The following DIPK1B variants were observed in gnomAD, a reference collection of about 807,000 sequenced individuals.
The protein encoded by DIPK1B is divergent protein kinase domain 1B, also known as family with sequence similarity 69 member B.
DIPK1B carries 17 observed loss-of-function variants against 20.7 expected under a neutral mutation model. The observed-to-expected ratio is 0.82, with a 90% CI of 0.56 to 1.23. The LOEUF (loss-of-function observed/expected upper bound fraction) is 1.23, where lower values mean the gene tolerates loss of function less well. DIPK1B is among the 50% of genes most tolerant of loss of function. The pLI, the probability that DIPK1B is intolerant of heterozygous loss-of-function variation, is 0.00. For synonymous variants in DIPK1B, 343 were observed against 276.5 expected (o/e 1.24, Z -2.39); for missense variants, 648 against 601.8 (o/e 1.08, Z -0.80).
rs376646865 is a variant in DIPK1B at position 136,723,474 on chromosome 9, C to T, written c.996C>T (p.Arg332=). Residue 332 remains arginine (R), a synonymous_variant, in exon 5 of 5, where the codon CGC becomes CGT. Transcript: ENST00000371692. Reference sequence around the variant, plus strand: ...CCGTGCGCCGCTTCCTGCAGGGCCGCCGCTGCGAGCACAGCACCGACTGCA... The same window carrying T: ...CCGTGCGCCGCTTCCTGCAGGGCCGTCGCTGCGAGCACAGCACCGACTGCA... ...EATVRRFLQG[R]RCEHSTDCTY... 168 of 1,610,376 alleles carry T rather than the reference C, an allele frequency of 1.0e-4. No individual in the cohort carries two copies. The highest frequency in any genetic ancestry group is 1.4e-4 in the Non-Finnish European group (163 of 1,178,664).
Position 136,723,591 on chromosome 9 carries a change from A to G in DIPK1B, c.1113A>G (p.Ala371=), listed in dbSNP as rs749078758. The G allele has an allele frequency of 6.3e-5, 100 of 1,594,330 alleles. No homozygotes were observed. In the Admixed American group the frequency reaches 1.4e-3, roughly 22 times the overall value. The change falls in exon 5 of 5, where the codon GCA becomes GCG. Residue 371 remains alanine (A), a synonymous_variant. Transcript: ENST00000371692. ...AGCCCAACCTGGCCAAGGTGTGCGC[A>G]CTGCTACGGGGCTACCTGCTGCCTG... The part of the protein sequence containing the change: ...LIQPNLAKVC[A]LLRGYLLPGA...
At chr9:136,719,646 C>G (rs1378535424) in intron 2 of DIPK1B, among the ~76,000 whole-genome samples, 2 of 152,244 alleles carry the variant, frequency 1.3e-5, no homozygotes, top group Non-Finnish European at 2.9e-5. Flanking sequence ...ACACGCCCGC[C>G]TCAGCCTCTG....
At chr9:136,716,003 G>C (rs1846491307) in intron 1 of DIPK1B, among the ~76,000 whole-genome samples, 1 of 152,070 alleles carries the variant, frequency 6.6e-6, no homozygotes, top group Non-Finnish European at 1.5e-5. Context: ...TCTCCTTCCT[G>C]TCTCTATGGT....
intron 2 of DIPK1B, among the ~76,000 whole-genome samples, chr9:136,720,477 C>CG (rs972090350): frequency 3.4e-5 from 5 of 149,116 alleles, no homozygotes; most frequent in Non-Finnish European, 4.4e-5. Context: ...TTCTCCCCCC[C>CG]CCAGAGGGGC....
rs1298297117 is a variant in DIPK1B, at chr9:136,724,635, G to GA, written c.*864dup. On this transcript the variant is annotated 3_prime_UTR_variant, in exon 5 of 5. Transcript: ENST00000371692. ...TTTACTCTCAAATTTTGCCAACACA[G>GA]AAATATTATCCTTAAAGAAATGTGC... The GA allele has an allele frequency of 3.9e-5, 6 of 152,320 alleles. No individual in the cohort carries two copies. The South Asian group carries it at 1.2e-3, about 32-fold the overall frequency. The allele number at this position is 152,320 out of a possible 1,614,324, so 9.4% of individuals were successfully genotyped here.
chr9:136,722,823 G>T, intron 4 of DIPK1B, 139 bp from the exon 5 acceptor site: 1 of 825,500 alleles, frequency 1.2e-6, no homozygotes, highest in East Asian at 2.7e-5. Context: ...CCGTGTAGCT[G>T]TGGGCTGGGA....
intron 4 of DIPK1B, chr9:136,722,587 G>A: frequency 1.8e-6 from 1 of 565,800 alleles, no homozygotes; most frequent in East Asian, 3.0e-5. Context: ...CCCGAATGGA[G>A]ACCAGGGCTT....
chr9:136,722,346 G>C lies in DIPK1B; in HGVS notation c.483+45G>C, dbSNP rs372431039. 1.9e-6 allele frequency: 3 copies of C among 1,579,980 alleles called. No homozygotes were observed. In the African/African-American group the frequency reaches 4.0e-5, roughly 21 times the overall value. ...GGGCAGGGCAGGAGTCCACACCACG[G>C]TCATATGCCCAGCAGGCGGCCCTGG... On this transcript the variant is annotated intron_variant, in intron 4 of 4. Transcript: ENST00000371692.
Position 136,723,278 on chromosome 9 carries a change from C to A in DIPK1B, c.800C>A (p.Ala267Glu). ...GCTCTCCAGCAGTGGCTGGGGCCTG[C>A]GTGGCCTTGGCGGGCCAAGATCGCC... ...QGALQQWLGP[A>E]WPWRAKIAIG... The change falls in exon 5 of 5, where the codon GCG becomes GAG. Residue 267 changes from alanine to glutamate, a missense_variant. Ala to Glu is a moderately radical substitution (Grantham distance 107, BLOSUM62 -1). Coordinates refer to ENST00000371692, the MANE Select transcript of DIPK1B (RefSeq NM_152421.4). 6.2e-7 allele frequency: 1 copy of A among 1,612,528 alleles called. No individual in the cohort carries two copies. Among genetic ancestry groups the A allele is most frequent in the South Asian group, 1.1e-5 (1 of 91,068 alleles).
At chr9:136,717,875 A>G (rs1846523236) in intron 2 of DIPK1B, among the ~76,000 whole-genome samples, 164 bp downstream of exon 2, 1 of 149,704 alleles carries the variant, frequency 6.7e-6, no homozygotes, top group Admixed American at 6.6e-5. Flanking sequence ...GGTGTGGAGG[A>G]CAGGGGTCCA....
In DIPK1B at chr9:136,723,146, G is replaced by A; in HGVS notation, c.668G>A (p.Gly223Asp). The A allele has an allele frequency of 6.2e-7, 1 of 1,613,436 alleles. No individual in the cohort carries two copies. The highest frequency in any genetic ancestry group is 8.5e-7 in the Non-Finnish European group (1 of 1,179,990). Reference sequence around the variant, plus strand: ...AAGGAGCACGCCTCCAGACTGCTGGGCTACTGTGGGGACCTCTACCTCACC... The same window carrying A: ...AAGGAGCACGCCTCCAGACTGCTGGACTACTGTGGGGACCTCTACCTCACC... ...QEKEHASRLL[G>D]YCGDLYLTEG... Residue 223 changes from glycine (G) to aspartate (D), a missense_variant, in exon 5 of 5, where the codon GGC becomes GAC. Transcript: ENST00000371692.
At position 136,723,522 on chromosome 9, in the gene DIPK1B, C is replaced by T; in HGVS notation, c.1044C>T (p.Ala348=). The T allele has an allele frequency of 6.2e-7, 1 of 1,600,638 alleles. No homozygotes were observed. The highest frequency in any genetic ancestry group is 1.1e-5 in the South Asian group (1 of 89,662). Residue 348 remains alanine, a synonymous_variant, in exon 5 of 5, where the codon GCC becomes GCT. Coordinates refer to ENST00000371692, the MANE Select transcript of DIPK1B (RefSeq NM_152421.4). ...TDCTYGRDCR[A]PCDRLMRQCK... The stretch of plus-strand genomic sequence containing the variant: ...GCACCTACGGGCGCGACTGCAGGGC[C>T]CCGTGTGACAGGCTCATGAGGCAGT...
In DIPK1B at chr9:136,713,482, C is replaced by T. The variant is rs146529810; in HGVS notation, c.63+754C>T. On this transcript the variant is annotated intron_variant, in intron 1 of 4. Coordinates refer to ENST00000371692, the MANE Select transcript of DIPK1B (RefSeq NM_152421.4). Reference sequence around the variant, plus strand: ...CCTGCGTCCTGCCTGAGCTCAGGGCCTGGCTGGCCTCAGCTCCCCTTCTGG... The same window carrying T: ...CCTGCGTCCTGCCTGAGCTCAGGGCTTGGCTGGCCTCAGCTCCCCTTCTGG... Among the ~76,000 whole-genome samples, 8 of 152,364 alleles carry T rather than the reference C, an allele frequency of 5.3e-5. No individual in the cohort carries two copies. The East Asian group carries it at 1.5e-3, about 29-fold the overall frequency.
rs376585012 is a variant in DIPK1B, at chr9:136,723,312, G to C, written c.834G>C (p.Leu278=). ...WPWRAKIAIG[L]LEFVEELFHG... ...GGCGGGCCAAGATCGCCATCGGCCT[G>C]CTGGAGTTCGTGGAGGAGCTCTTCC... The change falls in exon 5 of 5, where the codon CTG becomes CTC. Residue 278 remains leucine (L), a synonymous_variant. Transcript: ENST00000371692. The C allele has an allele frequency of 2.1e-4, 345 of 1,612,898 alleles. No homozygotes were observed. The highest frequency in any genetic ancestry group is 2.8e-4 in the Non-Finnish European group (331 of 1,179,868).
At chr9:136,721,032 A>C (rs1846591218) in intron 2 of DIPK1B, 1 of 152,312 alleles carries the variant, frequency 6.6e-6, no homozygotes, top group Admixed American at 6.5e-5. Context: ...TCTGGGCATC[A>C]GGATCTGTCG....
Position 136,712,612 on chromosome 9 carries a change from G to C in DIPK1B, c.-54G>C. On this transcript the variant is annotated 5_prime_UTR_variant, in exon 1 of 5. Transcript: ENST00000371692. This position sits in a 1 kb window ranked among gnomAD's most constrained non-coding sequence, Gnocchi z 5.6. ...CGGCCGCTGCGGGCCGGGCCGGGCC[G>C]GGGCTGAGGCCGAGCGAGCCGCGGG... is the stretch of plus-strand genomic sequence containing the variant. The C allele has an allele frequency of 1.1e-6, 1 of 888,120 alleles. No individual in the cohort carries two copies. Among genetic ancestry groups the C allele is most frequent in the Non-Finnish European group, 1.4e-6 (1 of 738,186 alleles). The allele number at this position is 888,120 out of a possible 1,614,324, so 55.0% of individuals were successfully genotyped here.
chr9:136,722,370 G>A (rs1846620986), intron 4 of DIPK1B, 69 bp downstream of exon 4: 9 of 1,520,494 alleles, frequency 5.9e-6, no homozygotes, highest in African/African-American at 1.4e-5. Flanking sequence ...AGGCGGCCCT[G>A]GCACCAACAT....
chr9:136,712,615 G>C lies in DIPK1B; in HGVS notation c.-51G>C. 1 of 936,606 alleles carries C rather than the reference G, an allele frequency of 1.1e-6. No homozygotes were observed. The highest frequency in any genetic ancestry group is 1.3e-6 in the Non-Finnish European group (1 of 778,038). The allele number at this position is 936,606 out of a possible 1,614,324, so 58.0% of individuals were successfully genotyped here. ...CCGCTGCGGGCCGGGCCGGGCCGGG[G>C]CTGAGGCCGAGCGAGCCGCGGGGCC... is the stretch of plus-strand genomic sequence containing the variant. On this transcript the variant is annotated 5_prime_UTR_variant, in exon 1 of 5. Coordinates refer to ENST00000371692, the MANE Select transcript of DIPK1B (RefSeq NM_152421.4). This position sits in a 1 kb window ranked among gnomAD's most constrained non-coding sequence, Gnocchi z 5.6.
At position 136,712,594 on chromosome 9, in the gene DIPK1B, T is replaced by C. The variant is rs1846439961; in HGVS notation, c.-72T>C. 12 of 724,822 alleles carry C rather than the reference T, an allele frequency of 1.7e-5. 1 individual carries two copies. In the South Asian group the frequency reaches 4.8e-4, roughly 29 times the overall value. The allele number at this position is 724,822 out of a possible 1,614,324, so 44.9% of individuals were successfully genotyped here. On this transcript the variant is annotated 5_prime_UTR_variant, in exon 1 of 5. Coordinates refer to ENST00000371692, the MANE Select transcript of DIPK1B (RefSeq NM_152421.4). The surrounding 1 kb of genome is among the most constrained non-coding windows in gnomAD (Gnocchi z 5.6). ...CGCATGGCGAGGGAGCGGCGGCCGC[T>C]GCGGGCCGGGCCGGGCCGGGGCTGA...
Sources: allele counts gnomAD v4.1 joint callset (sites outside exome capture counted in the v4.1 genomes callset), GRCh38; gene constraint gnomAD v4.1.1; non-coding constraint Gnocchi (gnomAD v3.1); transcripts MANE v1.5; gene names NCBI Gene and HGNC (gene_info 2026-07-23, HGNC 2026-07-21).